The following HPSE2 variants were observed in gnomAD, a reference collection of about 807,000 sequenced individuals.
HPSE2 encodes inactive heparanase-2.
Under a neutral mutation model 60.5 loss-of-function variants are expected in HPSE2, and 38 were observed. The observed-to-expected ratio is 0.63, with a 90% CI of 0.48 to 0.82. The LOEUF (loss-of-function observed/expected upper bound fraction) is 0.82. Ranked by LOEUF, HPSE2 falls within the 40% of genes least tolerant of loss-of-function variation. HPSE2 has a pLI of 0.00. For synonymous variants in HPSE2, 295 were observed against 293.2 expected (o/e 1.01, Z -0.06); for missense variants, 713 against 740.4 (o/e 0.96, Z 0.43).
chr10:99,054,814 G>A (rs1004624539), intron 3 of HPSE2, among the ~76,000 whole-genome samples: 7 of 152,064 alleles, frequency 4.6e-5, no homozygotes, highest in African/African-American at 9.7e-5. Flanking sequence ...GGGTTCAAAC[G>A]ATTCTCCTGC....
intron 3 of HPSE2, among the ~76,000 whole-genome samples, chr10:98,936,978 C>CAAAAAAAA (rs1214450704): frequency 1.3e-4 from 4 of 31,014 alleles, no homozygotes; most frequent in African/African-American, 4.7e-4. Flanking sequence ...GACTCCATCT[C>CAAAAAAAA]AAAAAAAAAA....
At chr10:98,511,522 G>A (rs1338919166) in intron 9 of HPSE2, among the ~76,000 whole-genome samples, 1 of 150,790 alleles carries the variant, frequency 6.6e-6, no homozygotes, top group East Asian at 2.0e-4. Flanking sequence ...ATGTACACAG[G>A]TATGCTTCAA....
intron 6 of HPSE2, among the ~76,000 whole-genome samples, chr10:98,668,075 G>T (rs1424009749): frequency 6.6e-6 from 1 of 152,066 alleles, no homozygotes; most frequent in Non-Finnish European, 1.5e-5. Flanking sequence ...AAAGTTTCAG[G>T]ATACAAAATC....
intron 3 of HPSE2, among the ~76,000 whole-genome samples, chr10:98,927,018 C>T (rs1463269567): frequency 6.6e-6 from 1 of 151,992 alleles, no homozygotes; most frequent in Non-Finnish European, 1.5e-5. Flanking sequence ...CTGAGGAGAG[C>T]TTTACTTCCA....
intron 2 of HPSE2, among the ~76,000 whole-genome samples, chr10:99,189,708 T>C (rs188703611): frequency 1.8e-3 from 276 of 152,282 alleles, no homozygotes; most frequent in African/African-American, 6.1e-3. Context: ...TGTTGTTTTG[T>C]TTGCCTGTTT....
chr10:98,693,789 G>T, intron 6 of HPSE2, 111 bp downstream of exon 6: 2 of 925,664 alleles, frequency 2.2e-6, no homozygotes, highest in Non-Finnish European at 1.8e-6. Flanking sequence ...ATTTTTTCCT[G>T]GAGGATGAAG....
At chr10:99,203,867 A>ACTCCGCCAGGC (rs1564891722) in intron 2 of HPSE2, among the ~76,000 whole-genome samples, 1 of 151,370 alleles carries the variant, frequency 6.6e-6, no homozygotes, top group Admixed American at 6.6e-5. Context: ...AGAAGCCAGG[A>ACTCCGCCAGGC]CCGCTCCACC....
At chr10:98,476,962 A>G (rs1001341199) in intron 11 of HPSE2, among the ~76,000 whole-genome samples, 10 of 152,240 alleles carry the variant, frequency 6.6e-5, no homozygotes, top group African/African-American at 2.4e-4. Context: ...GACAGAGTCC[A>G]GTTATCCATA....
chr10:98,894,954 T>C (rs374001675), intron 3 of HPSE2, among the ~76,000 whole-genome samples: 4 of 152,102 alleles, frequency 2.6e-5, no homozygotes, highest in African/African-American at 9.6e-5. Context: ...TGCCAAAAGA[T>C]AGTGAAATAA....
chr10:98,928,431 C>T (rs1263223458), intron 3 of HPSE2, among the ~76,000 whole-genome samples: 1 of 95,610 alleles, frequency 1.0e-5, no homozygotes, highest in African/African-American at 4.7e-5. Context: ...GTCAGTGTGG[C>T]GATTCCTCAG....
intron 3 of HPSE2, among the ~76,000 whole-genome samples, chr10:99,136,178 G>A (rs190533144): frequency 6.6e-6 from 1 of 152,222 alleles, no homozygotes; most frequent in Admixed American, 6.5e-5. Flanking sequence ...ACCCTCCCAA[G>A]TCTAAACCAG....
At position 98,743,996 on chromosome 10, in the gene HPSE2, G is replaced by A. The variant is rs1589750423; in HGVS notation, c.671C>T (p.Ala224Val). 4 of 1,614,106 alleles carry A rather than the reference G, an allele frequency of 2.5e-6. No individual in the cohort carries two copies. The highest frequency in any genetic ancestry group is 3.4e-6 in the Non-Finnish European group (4 of 1,179,970). Residue 224 changes from alanine (A) to valine (V), a missense_variant, in exon 4 of 12, where the codon GCT becomes GTT. Ala to Val is a moderately conservative substitution (Grantham distance 64). Coordinates refer to ENST00000370552, the MANE Select transcript of HPSE2 (RefSeq NM_021828.5). The part of the protein sequence containing the change: ...ADCSGLHLIF[A>V]LNALRRNPNN... Reference sequence around the variant, plus strand: ...GGGATTACGACGCAGTGCATTTAGAGCAAATATCAGGTGGAGTCCAGAGCA... The same window carrying A: ...GGGATTACGACGCAGTGCATTTAGAACAAATATCAGGTGGAGTCCAGAGCA...
upstream of HPSE2, among the ~76,000 whole-genome samples, chr10:99,237,470 T>A (rs78197187): frequency 0.017 from 2,657 of 152,218 alleles, 74 homozygotes; most frequent in African/African-American, 0.061. Flanking sequence ...CAACTGAAGT[T>A]CCCTGAAAAG....
chr10:98,533,254 A>G (rs1263374843), intron 9 of HPSE2, among the ~76,000 whole-genome samples: 2 of 152,354 alleles, frequency 1.3e-5, no homozygotes, highest in Non-Finnish European at 2.9e-5. Context: ...GTCAGGAAGC[A>G]TCACCATAAT....
At chr10:99,000,428 G>GT (rs1956751578) in intron 3 of HPSE2, among the ~76,000 whole-genome samples, 4 of 152,120 alleles carry the variant, frequency 2.6e-5, no homozygotes, top group Admixed American at 2.6e-4. Flanking sequence ...CTTTACAGTG[G>GT]TGGAACCAAA....
At chr10:99,150,953 T>C (rs1246128414) in intron 2 of HPSE2, among the ~76,000 whole-genome samples, 1 of 152,086 alleles carries the variant, frequency 6.6e-6, no homozygotes, top group Non-Finnish European at 1.5e-5. Context: ...TGAACAGTCA[T>C]TGGCTGATCA....
At chr10:99,063,252 A>C (rs2135528468) in intron 3 of HPSE2, among the ~76,000 whole-genome samples, 1 of 152,308 alleles carries the variant, frequency 6.6e-6, no homozygotes, top group East Asian at 1.9e-4. Context: ...TATTTATGAC[A>C]AGTATTTAAC....
chr10:98,697,904 T>C (rs1318859442), intron 5 of HPSE2, among the ~76,000 whole-genome samples: 2 of 151,444 alleles, frequency 1.3e-5, no homozygotes, highest in African/African-American at 4.9e-5. Flanking sequence ...GGCCATTACA[T>C]AATGGTAAAG....
intron 3 of HPSE2, chr10:99,013,132 C>CAA: frequency 1.5e-6 from 1 of 670,048 alleles, no homozygotes; most frequent in East Asian, 3.3e-5. Context: ...ATTAACCATT[C>CAA]AAGTCCTTGG....
Sources: gnomAD v4.1 joint callset for allele counts (sites outside exome capture counted in the v4.1 genomes callset) on GRCh38, gnomAD v4.1.1 for gene constraint, MANE v1.5 for transcripts, NCBI Gene and HGNC (gene_info 2026-07-23, HGNC 2026-07-21) for gene names.